CHRNE: variants seen among roughly 807,000 people sequenced by gnomAD.
The protein encoded by CHRNE is cholinergic receptor nicotinic epsilon subunit.
A neutral mutation model predicts 56.5 loss-of-function variants in CHRNE; 58 were observed. The ratio of observed to expected loss-of-function variants is 1.03; its 90% CI spans 0.83 to 1.28. The LOEUF (loss-of-function observed/expected upper bound fraction) is 1.28. CHRNE is among the 50% of genes most tolerant of loss of function. The pLI is 0.00. For missense variants in CHRNE, 793 were observed against 688.9 expected, an observed-to-expected ratio of 1.15 and a Z score of -1.69; for synonymous variants, 385 against 297.9, an observed-to-expected ratio of 1.29 and a Z score of -3.01.
At chr17:4,900,445 G>T (rs1205083862) in intron 8 of CHRNE, 25 of 1,550,984 alleles carry the variant, frequency 1.6e-5, no homozygotes, top group Admixed American at 2.0e-5. Flanking sequence ...GGTCTGCAGG[G>T]GTCTGCCTCA....
At chr17:4,904,953 T>C (rs1970073107), upstream of CHRNE, among the ~76,000 whole-genome samples, 1 of 152,262 alleles carries the variant, frequency 6.6e-6, no homozygotes, top group African/African-American at 2.4e-5. Context: ...CCTCTTTGCA[T>C]GTGGCTGGTA....
At chr17:4,899,639 C>T in intron 8 of CHRNE, 57 bp from the exon 9 acceptor site, 5 of 1,470,690 alleles carry the variant, frequency 3.4e-6, no homozygotes, top group Admixed American at 3.9e-5. Context: ...CCGAAGGCGC[C>T]GCGCGCTGAC....
chr17:4,902,180 G>A lies in CHRNE; in HGVS notation c.344+37C>T, dbSNP rs753937939. Reference sequence around the variant, plus strand: ...CCAAGTCCAGCCCGCACCCCAGGCCGGCTTCCCTCCAGCCTGGCGTCTGGC... The same window carrying A: ...CCAAGTCCAGCCCGCACCCCAGGCCAGCTTCCCTCCAGCCTGGCGTCTGGC... On this transcript the variant is annotated intron_variant, in intron 4 of 11. Transcript: ENST00000649488. This position sits in a 1 kb window ranked among gnomAD's most constrained non-coding sequence, Gnocchi z 4.0. 53 of 1,613,878 alleles carry A rather than the reference G, an allele frequency of 3.3e-5. 2 individuals carry two copies. The South Asian group carries it at 5.6e-4, about 17-fold the overall frequency.
rs375169047 is a variant in CHRNE, at chr17:4,902,091, T to C, written c.345-4A>G. 1 of 1,613,812 alleles carries C rather than the reference T, an allele frequency of 6.2e-7. No homozygotes were observed. The highest frequency in any genetic ancestry group is 8.5e-7 in the Non-Finnish European group (1 of 1,179,982). ...CACTCCGAACTGGCCATCAATACTG[T>C]GGGCTCGGGGAAACCGAGCTTTTTG... On this transcript the variant is annotated splice_region_variant and splice_polypyrimidine_tract_variant and intron_variant, in intron 4 of 11. Transcript: ENST00000649488. This position sits in a 1 kb window ranked among gnomAD's most constrained non-coding sequence, Gnocchi z 4.0.
chr17:4,902,368 C>T lies in CHRNE; in HGVS notation c.235-42G>A, dbSNP rs748328148. On this transcript the variant is annotated intron_variant, in intron 3 of 11. Transcript: ENST00000649488. This position sits in a 1 kb window ranked among gnomAD's most constrained non-coding sequence, Gnocchi z 4.0. ...GGAAGGCCGCGTGCCCTGCATCTCC[C>T]ACCTGGCGCTGCCTGGGAGGGGTTT... 8.1e-6 allele frequency: 13 copies of T among 1,613,388 alleles called. No individual in the cohort carries two copies. The Admixed American group carries it at 2.0e-4, about 25-fold the overall frequency.
upstream of CHRNE, among the ~76,000 whole-genome samples, chr17:4,906,506 C>T (rs1970094040): frequency 6.6e-6 from 1 of 152,080 alleles, no homozygotes; most frequent in Non-Finnish European, 1.5e-5. Context: ...ATCTAATAAT[C>T]TGATCAAAAA....
chr17:4,902,606 G>A lies in CHRNE; in HGVS notation c.189+15C>T. The A allele has an allele frequency of 6.2e-7, 1 of 1,614,162 alleles. No homozygotes were observed. The highest frequency in any genetic ancestry group is 8.5e-7 in the Non-Finnish European group (1 of 1,180,030). The stretch of plus-strand genomic sequence containing the variant: ...GTGGGATTTTTGGCTTAAGATGAGG[G>A]TGGGGGTAGCTTACCAGTGAGATGA... On this transcript the variant is annotated intron_variant, in intron 2 of 11. Coordinates refer to ENST00000649488, the MANE Select transcript of CHRNE (RefSeq NM_000080.4). This position sits in a 1 kb window ranked among gnomAD's most constrained non-coding sequence, Gnocchi z 4.0.
chr17:4,906,888 T>C (rs1416821128), upstream of CHRNE, among the ~76,000 whole-genome samples: 4 of 152,212 alleles, frequency 2.6e-5, no homozygotes, highest in African/African-American at 9.7e-5. Context: ...TCCTGTCATT[T>C]GCAACAACAT....
At chr17:4,901,717 G>A in intron 5 of CHRNE, 92 bp from the exon 6 acceptor site, 1 of 1,334,508 alleles carries the variant, frequency 7.5e-7, no homozygotes, top group South Asian at 1.2e-5. Flanking sequence ...TAGCGGGGCC[G>A]CGATCCCAAG....
chr17:4,900,054 A>C, intron 8 of CHRNE: 1 of 1,551,300 alleles, frequency 6.4e-7, no homozygotes, highest in Non-Finnish European at 8.7e-7. Context: ...CCGAAGATGC[A>C]GGGGATGCTG....
intron 8 of CHRNE, chr17:4,900,495 C>T (rs1969945280): frequency 6.4e-7 from 1 of 1,550,996 alleles, no homozygotes; most frequent in Non-Finnish European, 8.7e-7. Flanking sequence ...CCTCGGAATC[C>T]CCGGAGAACC....
intron 10 of CHRNE, 33 bp downstream of exon 10, chr17:4,899,156 GGCACCCCGC>G (rs1372034653): frequency 6.3e-7 from 1 of 1,593,864 alleles, no homozygotes; most frequent in Admixed American, 1.7e-5. Flanking sequence ...CCCCCTGGCA[GGCACCCCGC>G]GCGGCCCCCC....
chr17:4,902,759 C>T lies in CHRNE; in HGVS notation c.51G>A (p.Arg17=), dbSNP rs758923058. 1.2e-6 allele frequency: 2 copies of T among 1,614,024 alleles called. No individual in the cohort carries two copies. The highest frequency in any genetic ancestry group is 1.7e-6 in the Non-Finnish European group (2 of 1,180,012). Residue 17 remains arginine (R), a synonymous_variant, in exon 2 of 12, where the codon AGG becomes AGA. Transcript: ENST00000649488. The surrounding 1 kb of genome is among the most constrained non-coding windows in gnomAD (Gnocchi z 4.0). The stretch of plus-strand genomic sequence containing the variant: ...GCAGTTCCTCGTTCTTCCCCACACC[C>T]CTGCCTGCGATGGGGTCAAGAAGGA... ...GVLLLLGLLG[R]GVGKNEELRL...
chr17:4,901,889 C>CA, intron 5 of CHRNE, 43 bp downstream of exon 5: 1 of 1,602,114 alleles, frequency 6.2e-7, no homozygotes. Context: ...ATAAGGCCCC[C>CA]CCCCAACAAT....
In CHRNE at chr17:4,899,498, G is replaced by A. The variant is rs747880376; in HGVS notation, c.1002C>T (p.Thr334=). 4.4e-6 allele frequency: 7 copies of A among 1,602,348 alleles called. No individual in the cohort carries two copies. The highest frequency in any genetic ancestry group is 1.1e-5 in the South Asian group (1 of 88,650). Reference sequence around the variant, plus strand: ...GCAGCCGCGGGGACATGGCGTGGGTGGTGGGCGTCCGCTGGGACACGTTGA... The same window carrying A: ...GCAGCCGCGGGGACATGGCGTGGGTAGTGGGCGTCCGCTGGGACACGTTGA... ...IVLNVSQRTP[T]THAMSPRLRH... Residue 334 remains threonine (T), a synonymous_variant, in exon 9 of 12, where the codon ACC becomes ACT. Transcript: ENST00000649488.
At chr17:4,908,339 C>A (rs1970115870) in intron 1 of CHRNE, among the ~76,000 whole-genome samples, 1 of 152,228 alleles carries the variant, frequency 6.6e-6, no homozygotes, top group African/African-American at 2.4e-5. Context: ...GGGGCTGGAG[C>A]TGCAACTTGT....
intron 5 of CHRNE, 40 bp downstream of exon 5, chr17:4,901,892 C>CA (rs1555546938): frequency 6.2e-7 from 1 of 1,606,672 alleles, no homozygotes; most frequent in East Asian, 2.2e-5. Context: ...AGGCCCCCCC[C>CA]CAACAATAAT....
In CHRNE at chr17:4,902,209, G is replaced by C; in HGVS notation, c.344+8C>G. ...TCCCTCCAGCCTGGCGTCTGGCCCG[G>C]TTCTCACTTGTTTTCCAGCACAATC... On this transcript the variant is annotated splice_region_variant and intron_variant, in intron 4 of 11. Transcript: ENST00000649488. The surrounding 1 kb of genome is among the most constrained non-coding windows in gnomAD (Gnocchi z 4.0). The C allele has an allele frequency of 1.9e-6, 3 of 1,613,956 alleles. No homozygotes were observed. The highest frequency in any genetic ancestry group is 1.7e-6 in the Non-Finnish European group (2 of 1,179,914).
rs1207444316 is a variant in CHRNE at position 4,898,823 on chromosome 17, G to A, written c.1395C>T (p.Leu465=). The change falls in exon 12 of 12, where the codon CTC becomes CTT. Residue 465 remains leucine, a synonymous_variant. Coordinates refer to ENST00000649488, the MANE Select transcript of CHRNE (RefSeq NM_000080.4). ...DNICFWAALV[L]FSVGSSLIFL... Reference sequence around the variant, plus strand: ...AGATGAGGCTGGAGCCCACGCTGAAGAGCACCAGAGCGGCCCAGAAGCAGA... The same window carrying A: ...AGATGAGGCTGGAGCCCACGCTGAAAAGCACCAGAGCGGCCCAGAAGCAGA... The A allele has an allele frequency of 4.4e-6, 7 of 1,600,252 alleles. No individual in the cohort carries two copies. The highest frequency in any genetic ancestry group is 6.0e-6 in the Non-Finnish European group (7 of 1,174,326).
Sources: gnomAD v4.1 joint callset for allele counts (sites outside exome capture counted in the v4.1 genomes callset) on GRCh38, gnomAD v4.1.1 for gene constraint, Gnocchi (gnomAD v3.1) non-coding constraint, MANE v1.5 for transcripts, NCBI Gene and HGNC (gene_info 2026-07-23, HGNC 2026-07-21) for gene names.